Variants in ATP10D observed in about 807,000 individuals in gnomAD.
ATP10D encodes ATPase phospholipid transporting 10D (putative), also known as phospholipid-transporting ATPase VD.
Under a neutral mutation model 144.8 loss-of-function variants are expected in ATP10D, and 89 were observed. That is an observed-to-expected ratio of 0.61 (90% CI 0.52 to 0.73). ATP10D has a LOEUF of 0.73. ATP10D is among the 30% of genes least tolerant of loss of function. The probability of loss-of-function intolerance (pLI) is 0.00; values close to 1 mark genes in which losing one functional copy is unlikely to be tolerated. For synonymous variants in ATP10D, 571 were observed against 615.1 expected, an observed-to-expected ratio of 0.93 and a Z score of 1.06; for missense variants, 1,603 against 1,714.8, an observed-to-expected ratio of 0.93 and a Z score of 1.15.
chr4:47,517,075 A>C (rs150068711), intron 3 of ATP10D, among the ~76,000 whole-genome samples: 2 of 152,238 alleles, frequency 1.3e-5, no homozygotes, highest in Non-Finnish European at 2.9e-5. Flanking sequence ...TAGCAAATGG[A>C]AAGAATGCTT....
intron 9 of ATP10D, among the ~76,000 whole-genome samples, chr4:47,542,309 C>G (rs1434758534): frequency 6.6e-6 from 1 of 152,006 alleles, no homozygotes; most frequent in Admixed American, 6.6e-5. Flanking sequence ...GTTTCCCAGG[C>G]TGGTCTCGAA....
intron 1 of ATP10D, among the ~76,000 whole-genome samples, chr4:47,503,518 T>C (rs1038426740): frequency 1.3e-5 from 2 of 152,232 alleles, no homozygotes; most frequent in African/African-American, 2.4e-5. Context: ...TTATTAGTGG[T>C]AAAAGTGAAA....
intron 1 of ATP10D, among the ~76,000 whole-genome samples, chr4:47,502,019 A>G (rs1256378370): frequency 2.0e-5 from 3 of 152,192 alleles, no homozygotes; most frequent in African/African-American, 7.2e-5. Flanking sequence ...AGATTAAGAC[A>G]TATTAGGAAC....
In ATP10D at chr4:47,523,211, G is replaced by C; in HGVS notation, c.685G>C (p.Glu229Gln). Residue 229 changes from glutamate to glutamine, a missense_variant, in exon 4 of 23, where the codon GAA (glutamate) becomes CAA (glutamine). Transcript: ENST00000273859. ...GAGGCAGGTGGTTCGGGGATATGCAGAACAGGTAAGTCATATGTTCTCAGT... is the reference window on the plus strand; with the variant it reads ...GAGGCAGGTGGTTCGGGGATATGCACAACAGGTAAGTCATATGTTCTCAGT... ...KQRQVVRGYA[E>Q]QDSEVDPEKF... 6.2e-7 allele frequency: 1 copy of C among 1,613,600 alleles called. No individual in the cohort carries two copies.
chr4:47,514,285 T>G (rs1208415202), intron 2 of ATP10D, among the ~76,000 whole-genome samples: 3 of 152,206 alleles, frequency 2.0e-5, no homozygotes, highest in African/African-American at 2.4e-5. Context: ...GCCCTATGTG[T>G]GTTTCATTCT....
At chr4:47,491,050 T>C in intron 1 of ATP10D, 2 of 720,708 alleles carry the variant, frequency 2.8e-6, no homozygotes, top group Admixed American at 3.5e-5. Context: ...TCTCACAAAG[T>C]GTGCTTCTCT....
At chr4:47,560,859 G>C (rs1271095130) in intron 13 of ATP10D, 90 bp from the exon 14 acceptor site, 20 of 1,494,620 alleles carry the variant, frequency 1.3e-5, no homozygotes, top group Non-Finnish European at 1.9e-5. Flanking sequence ...AAAACAAGTT[G>C]ATGGTTTGAT....
At chr4:47,585,465 C>G (rs1194928818) in intron 21 of ATP10D, among the ~76,000 whole-genome samples, 1 of 152,082 alleles carries the variant, frequency 6.6e-6, no homozygotes, top group Non-Finnish European at 1.5e-5. Context: ...GGGTATCCAT[C>G]CCTTCAAGCA....
intron 14 of ATP10D, among the ~76,000 whole-genome samples, chr4:47,561,324 T>C (rs979982187): frequency 5.3e-5 from 8 of 152,284 alleles, no homozygotes; most frequent in African/African-American, 1.9e-4. Flanking sequence ...ACACTTAACA[T>C]AGACTACAAA....
intron 20 of ATP10D, among the ~76,000 whole-genome samples, 183 bp downstream of exon 20, chr4:47,580,661 T>C (rs1720465103): frequency 6.6e-6 from 1 of 152,092 alleles, no homozygotes; most frequent in Non-Finnish European, 1.5e-5. Context: ...TAGATAGACA[T>C]ACATAGTTTG....
chr4:47,568,373 C>T (rs1719748932), intron 15 of ATP10D, among the ~76,000 whole-genome samples: 1 of 152,148 alleles, frequency 6.6e-6, no homozygotes, highest in East Asian at 1.9e-4. Context: ...ATTTCAAATG[C>T]CTGCCATGTG....
chr4:47,531,425 A>C (rs1717563332), intron 5 of ATP10D, among the ~76,000 whole-genome samples: 1 of 152,218 alleles, frequency 6.6e-6, no homozygotes, highest in African/African-American at 2.4e-5. Context: ...ACAGAGGCCC[A>C]AGACTACAGT....
At chr4:47,555,835 C>T (rs1246896087) in intron 11 of ATP10D, among the ~76,000 whole-genome samples, 1 of 151,974 alleles carries the variant, frequency 6.6e-6, no homozygotes, top group Non-Finnish European at 1.5e-5. Flanking sequence ...CTCACTGCAC[C>T]CTCCACCTCC....
At chr4:47,538,295 T>G (rs1717952717) in intron 9 of ATP10D, among the ~76,000 whole-genome samples, 1 of 152,188 alleles carries the variant, frequency 6.6e-6, no homozygotes, top group South Asian at 2.1e-4. Context: ...AGAGCTTTTA[T>G]GTAAGGTCAG....
intron 3 of ATP10D, among the ~76,000 whole-genome samples, chr4:47,522,610 C>T (rs1418693808): frequency 3.9e-5 from 6 of 152,184 alleles, no homozygotes; most frequent in Non-Finnish European, 8.8e-5. Context: ...AGCTCTGTCG[C>T]CCAAGCTGGA....
chr4:47,515,341 T>A (rs1716574770), intron 2 of ATP10D, 135 bp from the exon 3 acceptor site: 2 of 629,314 alleles, frequency 3.2e-6, no homozygotes, highest in African/African-American at 3.6e-5. Context: ...ATTCATTGTA[T>A]TCTGCTAGTT....
At chr4:47,563,200 G>A (rs112767611) in intron 14 of ATP10D, among the ~76,000 whole-genome samples, 1,878 of 152,174 alleles carry the variant, frequency 0.012, 52 homozygotes, top group African/African-American at 0.043. Context: ...ACAAAACTGC[G>A]TTTGTGCCCC....
At chr4:47,545,762 C>A (rs1396128205) in intron 9 of ATP10D, among the ~76,000 whole-genome samples, 1 of 152,136 alleles carries the variant, frequency 6.6e-6, no homozygotes, top group African/African-American at 2.4e-5. Flanking sequence ...AGATTGTATT[C>A]TACTGGATGA....
chr4:47,524,033 A>G (rs1189282710), intron 4 of ATP10D, among the ~76,000 whole-genome samples: 1 of 151,758 alleles, frequency 6.6e-6, no homozygotes, highest in Non-Finnish European at 1.5e-5. Context: ...TTCAAATGAT[A>G]CTCCTGCCTC....
Sources: gnomAD v4.1 joint callset for allele counts (sites outside exome capture counted in the v4.1 genomes callset) on GRCh38, gnomAD v4.1.1 for gene constraint, MANE v1.5 for transcripts, NCBI Gene and HGNC (gene_info 2026-07-23, HGNC 2026-07-21) for gene names.